The following MICU3 variants were observed in gnomAD, a reference collection of about 807,000 sequenced individuals.
The protein encoded by MICU3 is mitochondrial calcium uptake 3.
Under a neutral mutation model 66.5 loss-of-function variants are expected in MICU3, and 62 were observed. The ratio of observed to expected loss-of-function variants is 0.93; its 90% CI spans 0.76 to 1.15. The LOEUF is 1.15. Among genes scored for constraint, MICU3 ranks in the 50% most tolerant of loss-of-function variants. MICU3 has a pLI of 0.00. For synonymous variants in MICU3, 308 were observed against 240.7 expected, an observed-to-expected ratio of 1.28 and a Z score of -2.59; for missense variants, 779 against 664.4, an observed-to-expected ratio of 1.17 and a Z score of -1.90.
At chr8:17,072,454 G>GTT (rs536482819) in intron 3 of MICU3, among the ~76,000 whole-genome samples, 2 of 142,810 alleles carry the variant, frequency 1.4e-5, no homozygotes, top group Admixed American at 7.0e-5. Flanking sequence ...GGCATGAGAG[G>GTT]TTTTTTTTTT....
chr8:17,044,815 T>C (rs1245834093), intron 1 of MICU3, among the ~76,000 whole-genome samples: 3 of 152,192 alleles, frequency 2.0e-5, no homozygotes, highest in Non-Finnish European at 2.9e-5. Flanking sequence ...TAAGGAGCAG[T>C]TGGCTTGGGG....
chr8:17,064,381 G>T, intron 2 of MICU3, 144 bp downstream of exon 2: 1 of 530,650 alleles, frequency 1.9e-6, no homozygotes, highest in Non-Finnish European at 3.1e-6. Flanking sequence ...GTTACAGACT[G>T]ATATTTCTTA....
intron 8 of MICU3, among the ~76,000 whole-genome samples, chr8:17,091,504 ATAGT>A (rs1800052901): frequency 1.3e-5 from 2 of 152,064 alleles, no homozygotes; most frequent in South Asian, 2.1e-4. Context: ...CCTGTATTGG[ATAGT>A]TAATCAAAAT....
chr8:17,070,798 G>A (rs1197775877), intron 3 of MICU3, among the ~76,000 whole-genome samples: 1 of 152,016 alleles, frequency 6.6e-6, no homozygotes, highest in African/African-American at 2.4e-5. Context: ...TTATCAGTGG[G>A]TAATATGCTC....
intron 11 of MICU3, among the ~76,000 whole-genome samples, chr8:17,106,615 T>C (rs1017115051): frequency 5.3e-5 from 8 of 151,894 alleles, no homozygotes; most frequent in Non-Finnish European, 1.0e-4. Flanking sequence ...TTAAGTTTTT[T>C]AAAGTTAAAT....
At chr8:17,099,612 C>G (rs1801084421) in intron 9 of MICU3, among the ~76,000 whole-genome samples, 1 of 151,766 alleles carries the variant, frequency 6.6e-6, no homozygotes, top group Non-Finnish European at 1.5e-5. Flanking sequence ...CCAACAATTA[C>G]CTTTTAAAAT....
At chr8:17,072,266 G>T (rs891853870) in intron 3 of MICU3, among the ~76,000 whole-genome samples, 1 of 152,106 alleles carries the variant, frequency 6.6e-6, no homozygotes, top group Non-Finnish European at 1.5e-5. Context: ...TATATAGGTA[G>T]ATCTGTAAAT....
At chr8:17,079,566 A>G (rs1475716372) in intron 4 of MICU3, among the ~76,000 whole-genome samples, 1 of 151,990 alleles carries the variant, frequency 6.6e-6, no homozygotes, top group Non-Finnish European at 1.5e-5. Context: ...TTATTGAGTC[A>G]GGGTCTCATT....
chr8:17,069,406 CT>C (rs1263939684), intron 2 of MICU3, among the ~76,000 whole-genome samples: 11 of 152,044 alleles, frequency 7.2e-5, no homozygotes, highest in Non-Finnish European at 1.0e-4. Context: ...AGAAAGTTAG[CT>C]TACTTTATTA....
the MICU3 span, chr8:17,134,355 G>C: frequency 6.5e-6 from 1 of 152,994 alleles, no homozygotes; most frequent in Non-Finnish European, 1.5e-5. Context: ...GCAGGCTTAA[G>C]ATCTAGGAAG....
Position 17,114,135 on chromosome 8 carries a change from A to G in MICU3, c.1300A>G (p.Asn434Asp), listed in dbSNP as rs1194599310. 1 of 1,612,440 alleles carries G rather than the reference A, an allele frequency of 6.2e-7. No homozygotes were observed. Among genetic ancestry groups the G allele is most frequent in the Non-Finnish European group, 8.5e-7 (1 of 1,179,230 alleles). The change falls in exon 12 of 15, where the codon AAC becomes GAC. Residue 434 changes from asparagine (N) to aspartate (D), a missense_variant. By Grantham distance (23) the Asn-to-Asp change is conservative (BLOSUM62 1). Coordinates refer to ENST00000318063, the MANE Select transcript of MICU3 (RefSeq NM_181723.3). Reference protein sequence around the residue: ...DEFRSFFQFLNNLEDFAIALN... With the variant: ...DEFRSFFQFLDNLEDFAIALN... The stretch of plus-strand genomic sequence containing the variant: ...ATTCAGGTCATTTTTCCAGTTTTTA[A>G]ACAACCTAGAAGACTTTGCAATAGC...
At chr8:17,051,926 G>A (rs897071636) in intron 1 of MICU3, among the ~76,000 whole-genome samples, 1 of 152,090 alleles carries the variant, frequency 6.6e-6, no homozygotes, top group South Asian at 2.1e-4. Context: ...AAGGTGGGAG[G>A]AATAGCACCG....
intron 5 of MICU3, among the ~76,000 whole-genome samples, chr8:17,084,499 C>A (rs761692154): frequency 6.6e-6 from 1 of 152,006 alleles, no homozygotes; most frequent in Non-Finnish European, 1.5e-5. Flanking sequence ...TCCCCCCGGT[C>A]ATCTCAAAAG....
intron 1 of MICU3, among the ~76,000 whole-genome samples, chr8:17,032,240 CA>C (rs1291039690): frequency 6.6e-6 from 1 of 152,174 alleles, no homozygotes; most frequent in South Asian, 2.1e-4. Flanking sequence ...TTTGGGTTGC[CA>C]AAATTTTTTA....
chr8:17,123,489 C>G (rs1304198121), downstream of MICU3, among the ~76,000 whole-genome samples: 3 of 151,584 alleles, frequency 2.0e-5, no homozygotes, highest in Non-Finnish European at 4.4e-5. Context: ...TAAAGAAGTG[C>G]AAGTTAAAAT....
In MICU3 at chr8:17,081,744, A is replaced by G; in HGVS notation, c.694+4A>G. 1 of 946,782 alleles carries G rather than the reference A, an allele frequency of 1.1e-6. No individual in the cohort carries two copies. 58.6% of individuals were successfully genotyped at this position (946,782 alleles called of 1,614,324 possible). On this transcript the variant is annotated splice_donor_region_variant and intron_variant, in intron 5 of 14. Coordinates refer to ENST00000318063, the MANE Select transcript of MICU3 (RefSeq NM_181723.3). The stretch of plus-strand genomic sequence containing the variant: ...TTTCTTTTATGTATTTTAACAAGTA[A>G]GTATACTTATTGCTTTTATTTCTGG...
the MICU3 span, among the ~76,000 whole-genome samples, chr8:17,137,439 C>A: frequency 2.1e-5 from 3 of 146,310 alleles, no homozygotes; most frequent in African/African-American, 7.6e-5. Context: ...AACACTACGA[C>A]AAGTTGAGAG....
intron 7 of MICU3, 92 bp downstream of exon 7, chr8:17,087,127 G>GGCCGGGCGCGGTGGCTCACGCCTGT: frequency 1.2e-6 from 1 of 863,494 alleles, no homozygotes; most frequent in Admixed American, 2.8e-5. Context: ...TTGTAACTTT[G>GGCCGGGCGCGGTGGCTCACGCCTGT]AAGCTGTCCC....
At chr8:17,110,596 C>G (rs1378277783) in intron 11 of MICU3, among the ~76,000 whole-genome samples, 1 of 152,072 alleles carries the variant, frequency 6.6e-6, no homozygotes, top group Non-Finnish European at 1.5e-5. Context: ...TGGGGTCTTT[C>G]TCTGCCACCC....
Sources: gnomAD v4.1 joint callset for allele counts (sites outside exome capture counted in the v4.1 genomes callset) on GRCh38, gnomAD v4.1.1 for gene constraint, MANE v1.5 for transcripts, NCBI Gene and HGNC (gene_info 2026-07-23, HGNC 2026-07-21) for gene names.